VPS37B: variants seen among roughly 807,000 people sequenced by gnomAD.
The protein encoded by VPS37B is vacuolar protein sorting-associated protein 37B.
Under a neutral mutation model 21.2 loss-of-function variants are expected in VPS37B, and 11 were observed. The observed-to-expected ratio is 0.52, with a 90% confidence interval of 0.33 to 0.86. The LOEUF (loss-of-function observed/expected upper bound fraction) is 0.86. VPS37B is among the 40% of genes least tolerant of loss of function. VPS37B has a pLI of 0.03. For missense variants in VPS37B, 389 were observed against 374.8 expected (o/e 1.04, Z -0.31); for synonymous variants, 175 against 159.6 (o/e 1.10, Z -0.73).
In VPS37B at chr12:122,868,748, G is replaced by A. The variant is rs1041890859; in HGVS notation, c.284-186C>T. Among the ~76,000 whole-genome samples, 2 of 152,200 alleles carry A rather than the reference G, an allele frequency of 1.3e-5. No individual in the cohort carries two copies. The highest frequency in any genetic ancestry group is 4.8e-5 in the African/African-American group (2 of 41,460). ...CCAACATCCCATGTCAGAGCAACCT[G>A]TGTCACCAGCTGCTTCTAGAACCAG... On this transcript the variant is annotated intron_variant, in intron 2 of 3. Coordinates refer to ENST00000267202, the MANE Select transcript of VPS37B (RefSeq NM_024667.3). This position sits in a 1 kb window ranked among gnomAD's most constrained non-coding sequence, Gnocchi z 5.5.
rs548766313 is a variant in VPS37B at position 122,868,766 on chromosome 12, A to G, written c.284-204T>C. On this transcript the variant is annotated intron_variant, in intron 2 of 3. Coordinates refer to ENST00000267202, the MANE Select transcript of VPS37B (RefSeq NM_024667.3). This position sits in a 1 kb window ranked among gnomAD's most constrained non-coding sequence, Gnocchi z 5.5. ...GCAACCTGTGTCACCAGCTGCTTCT[A>G]GAACCAGCTGTTTTCAAATATGGGG... 3.7e-4 allele frequency among the ~76,000 whole-genome samples: 57 copies of G among 152,300 alleles called. No homozygotes were observed. Among genetic ancestry groups the G allele is most frequent in the Admixed American group, 1.0e-3 (16 of 15,294 alleles).
intron 1 of VPS37B, chr12:122,886,343 C>T (rs1185604199): frequency 6.6e-6 from 1 of 152,178 alleles, no homozygotes; most frequent in East Asian, 1.9e-4. Context: ...CTCTCTTGGC[C>T]GGTGTGGTGG....
At chr12:122,869,674 A>G (rs1313244983) in intron 2 of VPS37B, among the ~76,000 whole-genome samples, 1 of 152,174 alleles carries the variant, frequency 6.6e-6, no homozygotes, top group Non-Finnish European at 1.5e-5. Flanking sequence ...CAGTAATGCA[A>G]TCACAGTTCA....
intron 1 of VPS37B, chr12:122,885,083 CTAA>C (rs1428494937): frequency 1.3e-5 from 2 of 151,744 alleles, no homozygotes; most frequent in Non-Finnish European, 2.9e-5. Flanking sequence ...AAATGCTATT[CTAA>C]TAATGGAATT....
At chr12:122,871,296 G>C (rs2034028839) in intron 1 of VPS37B, 1 of 1,293,886 alleles carries the variant, frequency 7.7e-7, no homozygotes, top group East Asian at 3.2e-5. Flanking sequence ...ACGTTTCCAG[G>C]ACAGGCTTTG....
intron 2 of VPS37B, chr12:122,869,954 G>A (rs1186146055): frequency 1.3e-5 from 2 of 151,794 alleles, no homozygotes; most frequent in Non-Finnish European, 2.9e-5. Flanking sequence ...AAGCACTTAG[G>A]ATGCTCAACA....
intron 2 of VPS37B, among the ~76,000 whole-genome samples, chr12:122,869,622 A>C (rs2135697158): frequency 6.6e-6 from 1 of 152,198 alleles, no homozygotes; most frequent in African/African-American, 2.4e-5. Flanking sequence ...TTTAACCCAA[A>C]CTCTTTAAAG....
intron 1 of VPS37B, chr12:122,883,925 A>C (rs904323690): frequency 3.3e-5 from 5 of 152,254 alleles, no homozygotes; most frequent in African/African-American, 1.2e-4. Context: ...AAATGTCCTA[A>C]CTGGCTTCAG....
chr12:122,888,495 TTCTAGA>T, intron 1 of VPS37B: 1 of 455,352 alleles, frequency 2.2e-6, no homozygotes, highest in Non-Finnish European at 4.4e-6. Flanking sequence ...GCACACGGTC[TTCTAGA>T]TCACCTCCCA....
At chr12:122,893,426 C>T (rs1213620175) in intron 1 of VPS37B, among the ~76,000 whole-genome samples, 7 of 151,994 alleles carry the variant, frequency 4.6e-5, no homozygotes, top group Non-Finnish European at 8.8e-5. Flanking sequence ...GATTCCAAAA[C>T]CAGAATGTTC....
chr12:122,875,092 C>T (rs1305430332), intron 1 of VPS37B: 1 of 150,730 alleles, frequency 6.6e-6, no homozygotes, highest in Non-Finnish European at 1.5e-5. Flanking sequence ...CAGAGTCTCG[C>T]TCTGTCACCG....
chr12:122,895,808 C>T (rs1056166926), intron 1 of VPS37B, 144 bp downstream of exon 1: 1 of 683,990 alleles, frequency 1.5e-6, no homozygotes, highest in Non-Finnish European at 2.4e-6. Flanking sequence ...GGCTCCCGCA[C>T]CCCGCCCCAA....
chr12:122,889,000 C>T (rs1474829344), intron 1 of VPS37B: 1 of 177,946 alleles, frequency 5.6e-6, no homozygotes, highest in Non-Finnish European at 1.2e-5. Flanking sequence ...TCCCCGCTCA[C>T]CAGAGCCCTG....
intron 1 of VPS37B, chr12:122,876,208 G>C (rs548940073): frequency 6.6e-6 from 1 of 152,186 alleles, no homozygotes; most frequent in Non-Finnish European, 1.5e-5. Flanking sequence ...GCAGCAGCCC[G>C]AGTGGTATGA....
At chr12:122,885,918 C>T (rs533966320) in intron 1 of VPS37B, 3 of 151,332 alleles carry the variant, frequency 2.0e-5, no homozygotes, top group Non-Finnish European at 4.4e-5. Context: ...CTCCTGACCT[C>T]ATGATCCGCC....
In VPS37B at chr12:122,871,060, G is replaced by A. The variant is rs2034022079; in HGVS notation, c.113C>T (p.Thr38Ile). 1 of 1,613,838 alleles carries A rather than the reference G, an allele frequency of 6.2e-7. No homozygotes were observed. The highest frequency in any genetic ancestry group is 8.5e-7 in the Non-Finnish European group (1 of 1,179,958). ...LTEMVQKMEE[T>I]QNVQLNKEMT... is the part of the protein sequence containing the mutation. ...TTCTTTGTTAAGCTGAACATTCTGT[G>A]TCTGCAAGGAACACACAAGATGATG... Residue 38 changes from threonine to isoleucine, a missense_variant and splice_region_variant, in exon 2 of 4, where the codon ACA becomes ATA. Transcript: ENST00000267202.
intron 1 of VPS37B, among the ~76,000 whole-genome samples, chr12:122,892,459 A>G (rs952727765): frequency 1.3e-5 from 2 of 152,238 alleles, no homozygotes; most frequent in South Asian, 4.1e-4. Flanking sequence ...CCTCAGGCTT[A>G]AAGAAGCCTT....
At chr12:122,883,097 C>T (rs1216792678) in intron 1 of VPS37B, 3 of 152,214 alleles carry the variant, frequency 2.0e-5, no homozygotes, top group Non-Finnish European at 4.4e-5. Context: ...CTACAGCCCA[C>T]TCAGGAAGGA....
intron 1 of VPS37B, among the ~76,000 whole-genome samples, chr12:122,893,094 T>C (rs1233657883): frequency 6.6e-6 from 1 of 152,174 alleles, no homozygotes; most frequent in Non-Finnish European, 1.5e-5. Flanking sequence ...AAATGTTTTT[T>C]AGGCTAATTG....
Sources: allele counts gnomAD v4.1 joint callset (sites outside exome capture counted in the v4.1 genomes callset), GRCh38; gene constraint gnomAD v4.1.1; non-coding constraint Gnocchi (gnomAD v3.1); transcripts MANE v1.5; gene names NCBI Gene and HGNC (gene_info 2026-07-23, HGNC 2026-07-21).